CEP63: variants seen among roughly 807,000 people sequenced by gnomAD.
CEP63 encodes the protein centrosomal protein 63.
A neutral mutation model predicts 89.1 loss-of-function variants in CEP63; 84 were observed. The observed-to-expected ratio is 0.94, with a 90% confidence interval of 0.79 to 1.13. The LOEUF is 1.13. CEP63 is among the 50% of genes most tolerant of loss of function. The pLI, the probability that CEP63 is intolerant of heterozygous loss-of-function variation, is 0.00. For synonymous variants in CEP63, 267 were observed against 272.5 expected, an observed-to-expected ratio of 0.98 and a Z score of 0.20; for missense variants, 838 against 813.3, an observed-to-expected ratio of 1.03 and a Z score of -0.37.
chr3:134,604,552 C>A, the CEP63 span: 5 of 1,298,508 alleles, frequency 3.9e-6, no homozygotes, highest in Non-Finnish European at 1.1e-6. Flanking sequence ...ACAACTGTCT[C>A]CCTGGGAGAA....
chr3:134,569,835 G>T (rs1957943356), downstream of CEP63, among the ~76,000 whole-genome samples: 1 of 152,218 alleles, frequency 6.6e-6, no homozygotes, highest in Non-Finnish European at 1.5e-5. Flanking sequence ...AACCTCTGCA[G>T]CAAACTTCTG....
intron 10 of CEP63, among the ~76,000 whole-genome samples, chr3:134,586,324 C>T (rs188214688): frequency 2.6e-5 from 4 of 152,292 alleles, no homozygotes; most frequent in South Asian, 2.1e-4. Context: ...TTTGCAGTGG[C>T]TGGTACCAGT....
the CEP63 span, among the ~76,000 whole-genome samples, chr3:134,727,088 G>T: frequency 6.6e-6 from 1 of 152,032 alleles, no homozygotes; most frequent in Admixed American, 6.6e-5. Flanking sequence ...GATTGCCACT[G>T]AGATTTGAAA....
At chr3:134,680,614 A>T in the CEP63 span, among the ~76,000 whole-genome samples, 45,622 of 151,950 alleles carry the variant, frequency 0.3, 7,433 homozygotes, top group African/African-American at 0.44. Flanking sequence ...GGTGTAAAAT[A>T]TCTGGCTTAG....
chr3:134,541,617 C>T lies in CEP63; in HGVS notation c.556-3969C>T, dbSNP rs552527286. ...TGCAACCTCCGCCTCCCAGATCAAA[C>T]GATCCTCCTCCTCAGCATCCCAAGT... On this transcript the variant is annotated intron_variant, in intron 6 of 14. Transcript: ENST00000675561. Among the ~76,000 whole-genome samples, 6 of 148,970 alleles carry T rather than the reference C, an allele frequency of 4.0e-5. No homozygotes were observed. In the South Asian group the frequency reaches 1.1e-3, roughly 27 times the overall value.
At chr3:134,771,892 C>A in the CEP63 span, among the ~76,000 whole-genome samples, 209 of 152,328 alleles carry the variant, frequency 1.4e-3, no homozygotes, top group Non-Finnish European at 2.6e-3. Context: ...CTAACTAGAT[C>A]ATAATTTTCT....
the CEP63 span, chr3:134,607,095 C>T: frequency 1.0e-5 from 10 of 985,344 alleles, no homozygotes; most frequent in Admixed American, 6.1e-5. Flanking sequence ...AAACTCCACT[C>T]AATGACATCA....
At chr3:134,692,912 C>T in the CEP63 span, among the ~76,000 whole-genome samples, 9 of 152,206 alleles carry the variant, frequency 5.9e-5, no homozygotes, top group African/African-American at 2.2e-4. Context: ...CTGCTTCTTT[C>T]CCTTCTCTTC....
chr3:134,760,615 T>C, the CEP63 span, among the ~76,000 whole-genome samples: 1 of 152,194 alleles, frequency 6.6e-6, no homozygotes, highest in Non-Finnish European at 1.5e-5. Flanking sequence ...GTGATGGTGT[T>C]AATGCACTAT....
At chr3:134,606,866 G>T in the CEP63 span, 1 of 948,296 alleles carries the variant, frequency 1.1e-6, no homozygotes, top group Non-Finnish European at 1.3e-6. Context: ...GAGCCTGGCA[G>T]CTTTCCAGCC....
chr3:134,720,224 G>C, the CEP63 span, among the ~76,000 whole-genome samples: 1 of 152,078 alleles, frequency 6.6e-6, no homozygotes, highest in Non-Finnish European at 1.5e-5. Flanking sequence ...ATGATGTTGA[G>C]CATCTTTTCA....
chr3:134,557,201 C>A (rs1577394897), intron 12 of CEP63, among the ~76,000 whole-genome samples: 1 of 151,908 alleles, frequency 6.6e-6, no homozygotes, highest in South Asian at 2.1e-4. Context: ...ACTCGTATGT[C>A]CTGCAGATGT....
the CEP63 span, among the ~76,000 whole-genome samples, chr3:134,650,187 A>G: frequency 6.6e-6 from 1 of 152,192 alleles, no homozygotes; most frequent in Admixed American, 6.5e-5. Context: ...CAACTTACAA[A>G]TTTACCCAGA....
At chr3:134,762,366 C>A in the CEP63 span, among the ~76,000 whole-genome samples, 1 of 152,156 alleles carries the variant, frequency 6.6e-6, no homozygotes, top group African/African-American at 2.4e-5. Context: ...ATTGCACTTT[C>A]ATCCCCCAGA....
the CEP63 span, among the ~76,000 whole-genome samples, chr3:134,681,542 C>A: frequency 6.6e-6 from 1 of 152,178 alleles, no homozygotes; most frequent in Non-Finnish European, 1.5e-5. Context: ...AAACCAGAGC[C>A]TGCTCGACTG....
intron 3 of CEP63, among the ~76,000 whole-genome samples, chr3:134,520,026 A>C (rs1468853343): frequency 2.0e-5 from 3 of 152,216 alleles, no homozygotes; most frequent in Admixed American, 2.0e-4. Context: ...TGAATGAGAC[A>C]AGGATGCCCA....
chr3:134,755,420 A>C, the CEP63 span, among the ~76,000 whole-genome samples: 3 of 152,282 alleles, frequency 2.0e-5, no homozygotes, highest in Middle Eastern at 6.8e-3. Context: ...TCAGCTGGAG[A>C]TAAGGGGTGA....
intron 14 of CEP63, among the ~76,000 whole-genome samples, chr3:134,560,696 C>T (rs1040447910): frequency 6.6e-6 from 1 of 151,968 alleles, no homozygotes; most frequent in African/African-American, 2.4e-5. Context: ...ATGATTTGTT[C>T]TAGGATTTAG....
intron 5 of CEP63, chr3:134,536,453 T>C (rs1167970556): frequency 2.0e-5 from 3 of 153,116 alleles, no homozygotes; most frequent in Non-Finnish European, 4.4e-5. Flanking sequence ...CCCTTTGATT[T>C]GCCCCATTTT....
Sources: gnomAD v4.1 joint callset for allele counts (sites outside exome capture counted in the v4.1 genomes callset) on GRCh38, gnomAD v4.1.1 for gene constraint, MANE v1.5 for transcripts, NCBI Gene and HGNC (gene_info 2026-07-23, HGNC 2026-07-21) for gene names.